The following LRRK1 variants were observed in gnomAD, a reference collection of about 807,000 sequenced individuals.
The protein encoded by LRRK1 is leucine rich repeat kinase 1.
LRRK1 carries 113 observed loss-of-function variants against 209.1 expected under a neutral mutation model. The ratio of observed to expected loss-of-function variants is 0.54; its 90% CI spans 0.46 to 0.63. LRRK1 has a LOEUF of 0.63. LRRK1 is among the 30% of genes least tolerant of loss of function. The pLI, the probability that LRRK1 is intolerant of heterozygous loss-of-function variation, is 0.00. For synonymous variants in LRRK1, 1,144 were observed against 1,099.7 expected, an observed-to-expected ratio of 1.04 and a Z score of -0.80; for missense variants, 2,284 against 2,632.2, an observed-to-expected ratio of 0.87 and a Z score of 2.89.
At chr15:100,937,877 G>A (rs569889528) in intron 2 of LRRK1, among the ~76,000 whole-genome samples, 1 of 151,910 alleles carries the variant, frequency 6.6e-6, no homozygotes, top group African/African-American at 2.4e-5. Context: ...TAGAGACAGG[G>A]TCTCACTCTG....
rs1475757705 is a variant in LRRK1, at chr15:100,924,500, T to C, written c.-122-11T>C. ...TAAAGGCTTTCTGTTTTGATTGTTT[T>C]TCGCCACCAGAGCAAGAAAGCTTTC... On this transcript the variant is annotated splice_polypyrimidine_tract_variant and intron_variant, in intron 1 of 33. Coordinates refer to ENST00000388948, the MANE Select transcript of LRRK1 (RefSeq NM_024652.6). 9 of 677,150 alleles carry C rather than the reference T, an allele frequency of 1.3e-5. No individual in the cohort carries two copies. The East Asian group carries it at 2.2e-4, about 16-fold the overall frequency. The allele number at this position is 677,150 out of a possible 1,614,324, so 41.9% of individuals were successfully genotyped here.
rs562211887 is a variant in LRRK1, at chr15:101,069,280, G to A, written c.*432G>A. On this transcript the variant is annotated 3_prime_UTR_variant, in exon 34 of 34. Transcript: ENST00000388948. ...GGAAGCACTTGAGGTAGGGCAGGAG[G>A]GGGGCTGTGACCCCTGCCCTTTCCC... is the stretch of plus-strand genomic sequence containing the variant. 1.3e-5 allele frequency: 2 copies of A among 154,504 alleles called. No homozygotes were observed. Among genetic ancestry groups the A allele is most frequent in the African/African-American group, 4.8e-5 (2 of 41,632 alleles). 9.6% of individuals were successfully genotyped at this position (154,504 alleles called of 1,614,324 possible).
At chr15:101,062,904 G>A (rs2036272059) in intron 31 of LRRK1, among the ~76,000 whole-genome samples, 1 of 152,198 alleles carries the variant, frequency 6.6e-6, no homozygotes, top group African/African-American at 2.4e-5. Flanking sequence ...TCCCCAGCCA[G>A]ACTGCAGGCC....
chr15:101,076,093 C>G lies in LRRK1; in HGVS notation c.*7245C>G, dbSNP rs2036976505. ...CCTTCCTAGGCATGGTTAGTGCAGT[C>G]AGAATTCTTACACAAGAGCCAGGAC... On this transcript the variant is annotated 3_prime_UTR_variant, in exon 34 of 34. Transcript: ENST00000388948. The G allele has an allele frequency of 6.6e-6, 1 of 152,146 alleles. No individual in the cohort carries two copies. The highest frequency in any genetic ancestry group is 6.5e-5 in the Admixed American group (1 of 15,276). The allele number at this position is 152,146 out of a possible 1,614,324, so 9.4% of individuals were successfully genotyped here.
intron 2 of LRRK1, among the ~76,000 whole-genome samples, chr15:100,935,480 G>A (rs1306730105): frequency 1.3e-5 from 2 of 152,128 alleles, no homozygotes; most frequent in East Asian, 1.9e-4. Flanking sequence ...CACCAAATGG[G>A]GCTGGAGAGG....
intron 6 of LRRK1, among the ~76,000 whole-genome samples, chr15:100,994,003 C>G (rs186751886): frequency 1.6e-4 from 25 of 152,228 alleles, no homozygotes; most frequent in Non-Finnish European, 2.5e-4. Flanking sequence ...AATAAGTGCT[C>G]AATAAATATT....
chr15:100,984,232 C>T (rs936461442), intron 4 of LRRK1, among the ~76,000 whole-genome samples: 3 of 152,170 alleles, frequency 2.0e-5, no homozygotes, highest in East Asian at 1.9e-4. Context: ...CTCCACTGTG[C>T]GCCCTCCACA....
At chr15:100,993,078 T>C (rs2032235165) in intron 6 of LRRK1, among the ~76,000 whole-genome samples, 1 of 152,196 alleles carries the variant, frequency 6.6e-6, no homozygotes, top group South Asian at 2.1e-4. Context: ...CCTTCGTCTG[T>C]GTCTTGGTTT....
At chr15:101,031,069 T>G (rs2034259025) in intron 20 of LRRK1, among the ~76,000 whole-genome samples, 2 of 152,212 alleles carry the variant, frequency 1.3e-5, no homozygotes, top group Admixed American at 1.3e-4. Flanking sequence ...TCCAGGTCAC[T>G]GCAAATGCTG....
chr15:101,006,355 A>T (rs2032948913), intron 6 of LRRK1, among the ~76,000 whole-genome samples: 1 of 146,962 alleles, frequency 6.8e-6, no homozygotes, highest in Non-Finnish European at 1.5e-5. Context: ...GCAGGACTTA[A>T]TGCAACGACA....
chr15:100,979,545 TA>T (rs2031485116), intron 3 of LRRK1, among the ~76,000 whole-genome samples: 1 of 152,042 alleles, frequency 6.6e-6, no homozygotes, highest in African/African-American at 2.4e-5. Context: ...AGAAAATCCA[TA>T]AAAGAAATGA....
At position 100,974,858 on chromosome 15, in the gene LRRK1, G is replaced by T. The variant is rs544756615; in HGVS notation, c.261+891G>T. ...GGAGTGGACCATCACCACATTTTTT[G>T]CCCCTGTGGGGGCTTCTTACTGGCT... On this transcript the variant is annotated intron_variant, in intron 3 of 33. Coordinates refer to ENST00000388948, the MANE Select transcript of LRRK1 (RefSeq NM_024652.6). 1.2e-3 allele frequency among the ~76,000 whole-genome samples: 187 copies of T among 152,282 alleles called. 7 individuals are homozygous for T. The South Asian group carries it at 0.036, about 30-fold the overall frequency.
chr15:101,030,677 C>G (rs917416887), intron 20 of LRRK1, among the ~76,000 whole-genome samples: 2 of 152,188 alleles, frequency 1.3e-5, no homozygotes, highest in African/African-American at 4.8e-5. Context: ...TGACATGGCC[C>G]TGCCATCTCC....
At chr15:100,960,517 T>C (rs1022913664) in intron 2 of LRRK1, among the ~76,000 whole-genome samples, 3 of 152,202 alleles carry the variant, frequency 2.0e-5, no homozygotes, top group African/African-American at 7.2e-5. Flanking sequence ...TTTATGTGAT[T>C]TTTAATTTTC....
rs2036843907 is a variant in LRRK1 at position 101,072,607 on chromosome 15, C to A, written c.*3759C>A. On this transcript the variant is annotated 3_prime_UTR_variant, in exon 34 of 34. Transcript: ENST00000388948. ...GTGAATATGCCCTGCCCCGCCTTAA[C>A]TGATGACATTCCACCACAAAAGAAG... 6.4e-6 allele frequency: 1 copy of A among 155,816 alleles called. No homozygotes were observed. The highest frequency in any genetic ancestry group is 2.4e-5 in the African/African-American group (1 of 41,610). The allele number at this position is 155,816 out of a possible 1,614,324, so 9.7% of individuals were successfully genotyped here.
Position 101,027,874 on chromosome 15 carries a change from T to C in LRRK1, c.2686+77T>C. 1 of 1,370,324 alleles carries C rather than the reference T, an allele frequency of 7.3e-7. No individual in the cohort carries two copies. Among genetic ancestry groups the C allele is most frequent in the Non-Finnish European group, 9.9e-7 (1 of 1,013,520 alleles). 84.9% of individuals were successfully genotyped at this position (1,370,324 alleles called of 1,614,324 possible). ...TGTACTTGCTAACTTCAGCTTGGCC[T>C]CAGTAATGAATGAGAGACCGACACC... is the stretch of plus-strand genomic sequence containing the variant. On this transcript the variant is annotated intron_variant, in intron 19 of 33. Coordinates refer to ENST00000388948, the MANE Select transcript of LRRK1 (RefSeq NM_024652.6). The surrounding 1 kb of genome is among the most constrained non-coding windows in gnomAD (Gnocchi z 5.1).
At chr15:101,014,484 C>A (rs2033434271) in intron 11 of LRRK1, 56 bp downstream of exon 11, 2 of 1,167,082 alleles carry the variant, frequency 1.7e-6, no homozygotes, top group Non-Finnish European at 2.6e-6. Context: ...GGGCCACGGT[C>A]GAGCAGGTCC....
rs1431528482 is a variant in LRRK1, at chr15:101,005,767, AT to A, written c.763-3068del. On this transcript the variant is annotated intron_variant, in intron 6 of 33. Transcript: ENST00000388948. ...CCCCAGTGGGGCTCCCCCTGGACAA[AT>A]TGGGGATGACTTGGGTGTCAAAAAA... Among the ~76,000 whole-genome samples, 25 of 151,806 alleles carry A rather than the reference AT, an allele frequency of 1.6e-4. No homozygotes were observed. The East Asian group carries it at 4.7e-3, about 28-fold the overall frequency.
chr15:101,068,926 G>A lies in LRRK1; in HGVS notation c.*78G>A. The A allele has an allele frequency of 7.2e-7, 1 of 1,379,354 alleles. No individual in the cohort carries two copies. The highest frequency in any genetic ancestry group is 9.8e-7 in the Non-Finnish European group (1 of 1,019,358). The allele number at this position is 1,379,354 out of a possible 1,614,324, so 85.4% of individuals were successfully genotyped here. ...CTGACCCCTCTGCCATCGGCCTCTA[G>A]TTCTCCAAGGACCTAGAAGACAGAT... On this transcript the variant is annotated 3_prime_UTR_variant, in exon 34 of 34. Coordinates refer to ENST00000388948, the MANE Select transcript of LRRK1 (RefSeq NM_024652.6).
Sources: allele counts gnomAD v4.1 joint callset (sites outside exome capture counted in the v4.1 genomes callset), GRCh38; gene constraint gnomAD v4.1.1; non-coding constraint Gnocchi (gnomAD v3.1); transcripts MANE v1.5; gene names NCBI Gene and HGNC (gene_info 2026-07-23, HGNC 2026-07-21).